Variants in SDHAF3 observed in about 807,000 individuals in gnomAD.
The protein encoded by SDHAF3 is succinate dehydrogenase assembly factor 3, mitochondrial.
A neutral mutation model predicts 11.5 loss-of-function variants in SDHAF3; 18 were observed. The ratio of observed to expected loss-of-function variants is 1.56; its 90% confidence interval spans 1.08 to 2.32. SDHAF3 has a LOEUF of 2.32. Among genes scored for constraint, SDHAF3 ranks in the 30% most tolerant of loss-of-function variants. The probability of loss-of-function intolerance (pLI) is 0.00; values close to 1 mark genes in which losing one functional copy is unlikely to be tolerated. For synonymous variants in SDHAF3, 72 were observed against 59.3 expected, an observed-to-expected ratio of 1.21 and a Z score of -0.99; for missense variants, 200 against 154.4, an observed-to-expected ratio of 1.30 and a Z score of -1.57.
chr7:97,130,288 C>T (rs896106238), intron 1 of SDHAF3, among the ~76,000 whole-genome samples: 1 of 137,302 alleles, frequency 7.3e-6, no homozygotes, highest in African/African-American at 2.7e-5. Context: ...AAAAAAAAAA[C>T]CTTGATGTAG....
chr7:97,170,905 G>A (rs1232330513), intron 1 of SDHAF3, among the ~76,000 whole-genome samples: 2 of 152,094 alleles, frequency 1.3e-5, no homozygotes, highest in African/African-American at 2.4e-5. Flanking sequence ...CTAAGAAATA[G>A]CATGTATAAG....
In SDHAF3 at chr7:97,117,753, G is replaced by C. The variant is rs1367051318; in HGVS notation, c.30G>C (p.Arg10=). The C allele has an allele frequency of 1.2e-6, 2 of 1,613,884 alleles. No homozygotes were observed. The highest frequency in any genetic ancestry group is 1.7e-5 in the Admixed American group (1 of 60,016). The change falls in exon 1 of 2, where the codon CGG becomes CGC. Residue 10 remains arginine (R), a synonymous_variant. Coordinates refer to ENST00000432641, the MANE Select transcript of SDHAF3 (RefSeq NM_020186.3). MPGRHVSRV[R]ALYKRVLQLH... ...CGGGGCGGCACGTTTCTCGAGTCCGGGCATTGTACAAGCGCGTCTTGCAGC... is the reference window on the plus strand; with the variant it reads ...CGGGGCGGCACGTTTCTCGAGTCCGCGCATTGTACAAGCGCGTCTTGCAGC...
rs757562541 is a variant in SDHAF3, at chr7:97,142,199, G to A, written c.174+24302G>A. Among the ~76,000 whole-genome samples the A allele has an allele frequency of 4.1e-4, 62 of 151,446 alleles. No individual in the cohort carries two copies. In the Middle Eastern group the frequency reaches 0.01, roughly 25 times the overall value. On this transcript the variant is annotated intron_variant, in intron 1 of 1. Transcript: ENST00000432641. ...CTCCCGAGTAGCTGGGATTGCAGGC[G>A]CATACCACCACGCCTAGCTAATTTT...
intron 1 of SDHAF3, among the ~76,000 whole-genome samples, chr7:97,158,475 CT>C (rs1180403296): frequency 6.6e-6 from 1 of 152,070 alleles, no homozygotes; most frequent in African/African-American, 2.4e-5. Context: ...TTACAGGTGC[CT>C]GCCACCACGC....
At chr7:97,173,108 C>CCTGA (rs2115743195) in intron 1 of SDHAF3, among the ~76,000 whole-genome samples, 1 of 152,320 alleles carries the variant, frequency 6.6e-6, no homozygotes, top group South Asian at 2.1e-4. Context: ...CCACTGCTGA[C>CCTGA]CTGACAGGAG....
intron 1 of SDHAF3, among the ~76,000 whole-genome samples, chr7:97,133,020 G>T (rs1159989393): frequency 6.6e-6 from 1 of 152,092 alleles, no homozygotes; most frequent in African/African-American, 2.4e-5. Flanking sequence ...TGTGAAGAGG[G>T]CTCTCATTTC....
chr7:97,163,583 G>GTCATCA (rs1393722207), intron 1 of SDHAF3, among the ~76,000 whole-genome samples: 1 of 152,188 alleles, frequency 6.6e-6, no homozygotes, highest in African/African-American at 2.4e-5. Context: ...ACAGCACATT[G>GTCATCA]ATGAGCCTTG....
At chr7:97,151,204 G>A (rs1789213711) in intron 1 of SDHAF3, among the ~76,000 whole-genome samples, 1 of 152,148 alleles carries the variant, frequency 6.6e-6, no homozygotes, top group African/African-American at 2.4e-5. Context: ...ACTGAAAGCA[G>A]ACAGATTAAT....
At chr7:97,166,315 A>G (rs1228843374) in intron 1 of SDHAF3, among the ~76,000 whole-genome samples, 1 of 152,208 alleles carries the variant, frequency 6.6e-6, no homozygotes, top group African/African-American at 2.4e-5. Context: ...CAGTAAATAC[A>G]TGTAAGATGT....
At chr7:97,168,449 TA>T (rs1789548402) in intron 1 of SDHAF3, among the ~76,000 whole-genome samples, 2 of 152,166 alleles carry the variant, frequency 1.3e-5, no homozygotes, top group South Asian at 4.2e-4. Flanking sequence ...AACTGTAAAC[TA>T]AATTCTCCCA....
intron 1 of SDHAF3, among the ~76,000 whole-genome samples, chr7:97,159,526 T>G (rs1447044044): frequency 1.3e-5 from 2 of 152,188 alleles, no homozygotes; most frequent in East Asian, 3.8e-4. Context: ...GGGAGAGTTC[T>G]AAGTCAAGCA....
At chr7:97,177,493 C>T (rs879478295) in intron 1 of SDHAF3, among the ~76,000 whole-genome samples, 16 of 151,824 alleles carry the variant, frequency 1.1e-4, no homozygotes, top group Non-Finnish European at 1.3e-4. Flanking sequence ...CAGAGCGAGA[C>T]TCCGTCTCAA....
chr7:97,161,791 T>G (rs1057231346), intron 1 of SDHAF3, among the ~76,000 whole-genome samples: 1 of 152,232 alleles, frequency 6.6e-6, no homozygotes, highest in African/African-American at 2.4e-5. Flanking sequence ...ATGCATAGTA[T>G]TCCATGGTGG....
At chr7:97,178,959 C>T (rs2115756624) in intron 1 of SDHAF3, among the ~76,000 whole-genome samples, 1 of 152,196 alleles carries the variant, frequency 6.6e-6, no homozygotes, top group African/African-American at 2.4e-5. Context: ...CTAGGATTCT[C>T]ATGATTTTAG....
intron 1 of SDHAF3, among the ~76,000 whole-genome samples, chr7:97,145,186 T>C (rs1338645150): frequency 6.6e-6 from 1 of 152,160 alleles, no homozygotes; most frequent in Non-Finnish European, 1.5e-5. Flanking sequence ...TGAATTCCTT[T>C]ATCAGTTCTA....
At chr7:97,152,559 A>G (rs555164809) in intron 1 of SDHAF3, among the ~76,000 whole-genome samples, 2 of 152,370 alleles carry the variant, frequency 1.3e-5, no homozygotes, top group South Asian at 2.1e-4. Context: ...GTTTTACAGT[A>G]GTAATGTTAT....
intron 1 of SDHAF3, among the ~76,000 whole-genome samples, chr7:97,148,904 C>G (rs533465392): frequency 6.6e-6 from 1 of 150,654 alleles, no homozygotes; most frequent in East Asian, 1.9e-4. Flanking sequence ...AAAGTAGATT[C>G]TGATGCACAA....
At position 97,130,556 on chromosome 7, in the gene SDHAF3, ACTGCCCTGCT is replaced by A. The variant is rs930163513; in HGVS notation, c.174+12663_174+12672del. Among the ~76,000 whole-genome samples, 43 of 152,154 alleles carry A rather than the reference ACTGCCCTGCT, an allele frequency of 2.8e-4. 1 individual carries two copies. The highest frequency in any genetic ancestry group is 9.2e-4 in the African/African-American group (38 of 41,498). ...TTCATGTTACAGCTTGTTCATTCCC[ACTGCCCTGCT>A]CTGGCCTGTGGCTCTTGGGCTGGCC... On this transcript the variant is annotated intron_variant, in intron 1 of 1. Coordinates refer to ENST00000432641, the MANE Select transcript of SDHAF3 (RefSeq NM_020186.3).
intron 1 of SDHAF3, among the ~76,000 whole-genome samples, chr7:97,164,712 C>T (rs1789474784): frequency 6.6e-6 from 1 of 152,056 alleles, no homozygotes; most frequent in Non-Finnish European, 1.5e-5. Flanking sequence ...ACATTTATGC[C>T]CTAAGTCATC....
Sources: gnomAD v4.1 joint callset for allele counts (sites outside exome capture counted in the v4.1 genomes callset) on GRCh38, gnomAD v4.1.1 for gene constraint, MANE v1.5 for transcripts, NCBI Gene and HGNC (gene_info 2026-07-23, HGNC 2026-07-21) for gene names.